Variants in NINL observed in about 807,000 individuals in gnomAD.
NINL encodes ninein like.
In NINL, 153 loss-of-function variants were observed where a neutral mutation model predicts 160.3. The observed-to-expected ratio is 0.95, with a 90% CI of 0.84 to 1.09. The LOEUF (loss-of-function observed/expected upper bound fraction) is 1.09, where lower values mean the gene tolerates loss of function less well. Among genes scored for constraint, NINL ranks in the 50% least tolerant of loss-of-function variants. NINL has a pLI of 0.00. For missense variants in NINL, 1,829 were observed against 1,764.0 expected, an observed-to-expected ratio of 1.04 and a Z score of -0.66; for synonymous variants, 800 against 734.8, an observed-to-expected ratio of 1.09 and a Z score of -1.43.
chr20:25,503,772 C>A lies in NINL; in HGVS notation c.861+180G>T, dbSNP rs532676523. Among the ~76,000 whole-genome samples, 81 of 152,360 alleles carry A rather than the reference C, an allele frequency of 5.3e-4. No individual in the cohort carries two copies. The South Asian group carries it at 0.016, about 30-fold the overall frequency. On this transcript the variant is annotated intron_variant, in intron 7 of 23. Transcript: ENST00000278886. Reference sequence around the variant, plus strand: ...GAGCAACACTGGACCCACCCCAAATCTATGTGGCTCCAGAATCTACGTCAC... The same window carrying A: ...GAGCAACACTGGACCCACCCCAAATATATGTGGCTCCAGAATCTACGTCAC...
At chr20:25,485,215 T>C (rs1045767040) in intron 13 of NINL, among the ~76,000 whole-genome samples, 2 of 152,358 alleles carry the variant, frequency 1.3e-5, no homozygotes, top group African/African-American at 2.4e-5. Flanking sequence ...GTTGCTTCGA[T>C]GGCAGTTCAT....
chr20:25,461,587 C>T lies in NINL; in HGVS notation c.3631G>A (p.Glu1211Lys). 2 of 1,610,262 alleles carry T rather than the reference C, an allele frequency of 1.2e-6. No individual in the cohort carries two copies. The highest frequency in any genetic ancestry group is 1.7e-6 in the Non-Finnish European group (2 of 1,178,798). Residue 1211 changes from glutamate (E) to lysine (K), a missense_variant, in exon 21 of 24, where the codon GAA becomes AAA. By Grantham distance (56) the Glu-to-Lys change is moderately conservative. Transcript: ENST00000278886. ...CATGGCAGCTGCAGGCTCTGATGTTCCTGATTCAGGCATTCAAGTTCAACT... is the reference window on the plus strand; with the variant it reads ...CATGGCAGCTGCAGGCTCTGATGTTTCTGATTCAGGCATTCAAGTTCAACT... The part of the protein sequence containing the change: ...LRVELECLNQ[E>K]HQSLQLPWSE...
chr20:25,507,932 G>C (rs2063994024), intron 5 of NINL, among the ~76,000 whole-genome samples: 1 of 152,206 alleles, frequency 6.6e-6, no homozygotes, highest in Admixed American at 6.5e-5. Context: ...CCGTCTGTCA[G>C]CTCTGATCCT....
intron 16 of NINL, among the ~76,000 whole-genome samples, chr20:25,478,411 C>T (rs575451785): frequency 6.6e-6 from 1 of 152,284 alleles, no homozygotes; most frequent in South Asian, 2.1e-4. Context: ...TCAGATGCCC[C>T]CAACAAGAAC....
rs1023120152 is a variant in NINL at position 25,516,899 on chromosome 20, C to T, written c.277+854G>A. ...GGCCCAGGACTTCAAGCTGGAGAACCGGGACCCAAATCCTGGCCATCGCTT... is the reference window on the plus strand; with the variant it reads ...GGCCCAGGACTTCAAGCTGGAGAACTGGGACCCAAATCCTGGCCATCGCTT... On this transcript the variant is annotated intron_variant, in intron 3 of 23. Transcript: ENST00000278886. 3.9e-5 allele frequency among the ~76,000 whole-genome samples: 6 copies of T among 152,216 alleles called. No individual in the cohort carries two copies. In the South Asian group the frequency reaches 6.2e-4, roughly 16 times the overall value.
intron 17 of NINL, among the ~76,000 whole-genome samples, chr20:25,472,430 G>A (rs1040811078): frequency 6.8e-6 from 1 of 146,860 alleles, no homozygotes; most frequent in Non-Finnish European, 1.5e-5. Context: ...GCAATGGCGC[G>A]ATCTTGGCTC....
chr20:25,467,981 G>A (rs996590095), intron 18 of NINL, among the ~76,000 whole-genome samples: 1 of 152,058 alleles, frequency 6.6e-6, no homozygotes, highest in Non-Finnish European at 1.5e-5. Context: ...CTGGGTACCT[G>A]CTTGGGACTC....
At chr20:25,474,401 AG>A (rs2063181224) in intron 17 of NINL, among the ~76,000 whole-genome samples, 1 of 152,228 alleles carries the variant, frequency 6.6e-6, no homozygotes, top group Non-Finnish European at 1.5e-5. Context: ...ATGCACACGA[AG>A]GAAGAACAGA....
rs530771959 is a variant in NINL, at chr20:25,461,846, G to C, written c.3583-211C>G. Among the ~76,000 whole-genome samples, 166 of 152,304 alleles carry C rather than the reference G, an allele frequency of 1.1e-3. 3 individuals are homozygous for C. The highest frequency in any genetic ancestry group is 2.1e-4 in the Non-Finnish European group (14 of 68,024). On this transcript the variant is annotated intron_variant, in intron 20 of 23. Transcript: ENST00000278886. The stretch of plus-strand genomic sequence containing the variant: ...CATCTCCCTGGTGAGACAGTGTCAG[G>C]TGCGCCACGCACTGCAGGAAGTGCC...
intron 23 of NINL, among the ~76,000 whole-genome samples, chr20:25,454,496 G>A (rs189261378): frequency 6.6e-6 from 1 of 152,320 alleles, no homozygotes; most frequent in East Asian, 1.9e-4. Context: ...GGCACCAGTA[G>A]GGGAGGAAGC....
chr20:25,496,519 T>C, intron 10 of NINL, 144 bp downstream of exon 10: 2 of 969,154 alleles, frequency 2.1e-6, no homozygotes, highest in Non-Finnish European at 3.1e-6. Context: ...GCCCCCTGGA[T>C]TCCCCCTGAC....
At chr20:25,577,561 G>A (rs1196899201) in intron 1 of NINL, among the ~76,000 whole-genome samples, 1 of 152,280 alleles carries the variant, frequency 6.6e-6, no homozygotes, top group East Asian at 1.9e-4. Context: ...ATTAATAGCT[G>A]TTTACTACAT....
rs150969218 is a variant in NINL, at chr20:25,574,753, G to A, written c.-12+10702C>T. Among the ~76,000 whole-genome samples the A allele has an allele frequency of 2.0e-3, 303 of 152,306 alleles. 2 individuals are homozygous for A. Among genetic ancestry groups the A allele is most frequent in the Middle Eastern group, 0.014 (4 of 294 alleles). On this transcript the variant is annotated intron_variant, in intron 1 of 23. Transcript: ENST00000278886. Reference sequence around the variant, plus strand: ...CAGTCTGGAATATGTTGAGTTTAATGTAGCTACATGGTATGGGGGTGGAAT... The same window carrying A: ...CAGTCTGGAATATGTTGAGTTTAATATAGCTACATGGTATGGGGGTGGAAT...
At chr20:25,469,947 C>CA in intron 18 of NINL, 44 bp downstream of exon 18, 1 of 1,447,964 alleles carries the variant, frequency 6.9e-7, no homozygotes. Flanking sequence ...CTACGGAGGG[C>CA]AAAACGCACC....
chr20:25,541,917 G>C (rs2064669604), intron 1 of NINL, among the ~76,000 whole-genome samples: 1 of 152,232 alleles, frequency 6.6e-6, no homozygotes, highest in Admixed American at 6.5e-5. Flanking sequence ...AGCAGGGCAG[G>C]AAGCTCTAGG....
chr20:25,554,640 A>ACAAAACAAAAC (rs1568963313), intron 1 of NINL, among the ~76,000 whole-genome samples: 1 of 100,568 alleles, frequency 9.9e-6, no homozygotes, highest in African/African-American at 5.3e-5. Flanking sequence ...AAAAAACAAA[A>ACAAAACAAAAC]AAAAAAAAAA....
At chr20:25,579,518 C>T (rs1419291296) in intron 1 of NINL, among the ~76,000 whole-genome samples, 1 of 152,214 alleles carries the variant, frequency 6.6e-6, no homozygotes, top group East Asian at 1.9e-4. Flanking sequence ...GAGGCTCACA[C>T]AGCCCCCACG....
chr20:25,574,820 A>G (rs578239123), intron 1 of NINL, among the ~76,000 whole-genome samples: 1 of 152,140 alleles, frequency 6.6e-6, no homozygotes, highest in South Asian at 2.1e-4. Flanking sequence ...AAAAAATGTC[A>G]CATGCAAAGC....
chr20:25,535,291 G>A (rs914128174), intron 1 of NINL, among the ~76,000 whole-genome samples: 5 of 152,274 alleles, frequency 3.3e-5, no homozygotes, highest in Admixed American at 1.3e-4. Flanking sequence ...TTGGGTAGGG[G>A]TGCAAAGTTT....
Sources: allele counts gnomAD v4.1 joint callset (sites outside exome capture counted in the v4.1 genomes callset), GRCh38; gene constraint gnomAD v4.1.1; transcripts MANE v1.5; gene names NCBI Gene and HGNC (gene_info 2026-07-23, HGNC 2026-07-21).